Variants in FSTL4 observed in about 807,000 individuals in gnomAD.
FSTL4 encodes the protein follistatin-related protein 4.
Under a neutral mutation model 78.2 loss-of-function variants are expected in FSTL4, and 28 were observed. The ratio of observed to expected loss-of-function variants is 0.36; its 90% confidence interval spans 0.27 to 0.49. The LOEUF (loss-of-function observed/expected upper bound fraction) is 0.49, where lower values mean the gene tolerates loss of function less well. FSTL4 is among the 20% of genes least tolerant of loss of function. The pLI, the probability that FSTL4 is intolerant of heterozygous loss-of-function variation, is 0.98. For synonymous variants in FSTL4, 422 were observed against 440.5 expected (o/e 0.96, Z 0.53); for missense variants, 922 against 1,084.9 (o/e 0.85, Z 2.11).
intron 3 of FSTL4, among the ~76,000 whole-genome samples, chr5:133,504,700 C>A (rs536679949): frequency 2.0e-5 from 3 of 152,312 alleles, no homozygotes; most frequent in African/African-American, 4.8e-5. Flanking sequence ...TCGTCTTCCT[C>A]CCACTCCTAT....
At chr5:133,567,017 A>G (rs1245656550) in intron 3 of FSTL4, among the ~76,000 whole-genome samples, 169 bp downstream of exon 3, 2 of 152,228 alleles carry the variant, frequency 1.3e-5, no homozygotes, top group African/African-American at 4.8e-5. Flanking sequence ...CCTGGCCTTC[A>G]GTCCATGCAG....
intron 4 of FSTL4, among the ~76,000 whole-genome samples, chr5:133,353,148 C>A (rs1396336133): frequency 2.0e-5 from 3 of 152,160 alleles, no homozygotes; most frequent in African/African-American, 7.2e-5. Flanking sequence ...ATTTAGCTCT[C>A]TTTTACACAC....
the FSTL4 span, among the ~76,000 whole-genome samples, chr5:133,759,535 C>G: frequency 1.3e-5 from 2 of 152,184 alleles, no homozygotes; most frequent in East Asian, 3.8e-4. Flanking sequence ...ACAGAGAAAA[C>G]TTGTTAATGG....
chr5:133,360,353 G>C (rs1315454604), intron 4 of FSTL4, among the ~76,000 whole-genome samples: 1 of 152,122 alleles, frequency 6.6e-6, no homozygotes, highest in Non-Finnish European at 1.5e-5. Context: ...ACATGAAAAT[G>C]TGTTCTGGTC....
intron 13 of FSTL4, 28 bp downstream of exon 13, chr5:133,217,201 T>G (rs1750937108): frequency 6.3e-7 from 1 of 1,589,520 alleles, no homozygotes; most frequent in Non-Finnish European, 8.6e-7. Context: ...GAATTTGAAG[T>G]TTTCCTCACT....
chr5:133,744,971 T>C, the FSTL4 span, among the ~76,000 whole-genome samples: 9,545 of 152,056 alleles, frequency 0.063, 438 homozygotes, highest in East Asian at 0.19. Flanking sequence ...AGGCTGGGAG[T>C]TGGAGGCAAG....
At chr5:133,308,932 G>C (rs1368863377) in intron 6 of FSTL4, among the ~76,000 whole-genome samples, 1 of 152,120 alleles carries the variant, frequency 6.6e-6, no homozygotes, top group Non-Finnish European at 1.5e-5. Flanking sequence ...CAACACATTC[G>C]TGGGCTTTGA....
At chr5:133,472,783 C>T (rs31347) in intron 3 of FSTL4, among the ~76,000 whole-genome samples, 19,830 of 152,292 alleles carry the variant, frequency 0.13, 2,257 homozygotes, top group African/African-American at 0.31. Context: ...ATGGCAAGGA[C>T]ATCTTGGTCA....
At chr5:133,496,250 T>C (rs1290772042) in intron 3 of FSTL4, among the ~76,000 whole-genome samples, 1 of 152,204 alleles carries the variant, frequency 6.6e-6, no homozygotes, top group Non-Finnish European at 1.5e-5. Context: ...TCTGTAGGTA[T>C]GGAAACAGTC....
chr5:133,294,913 C>T (rs1256513432), intron 6 of FSTL4, among the ~76,000 whole-genome samples: 4 of 152,170 alleles, frequency 2.6e-5, no homozygotes, highest in Admixed American at 1.3e-4. Context: ...CCTCTCTTGA[C>T]AACCCTCCAG....
chr5:133,682,858 T>C, the FSTL4 span, among the ~76,000 whole-genome samples: 1 of 152,200 alleles, frequency 6.6e-6, no homozygotes, highest in Non-Finnish European at 1.5e-5. Context: ...GAGGCCTGTG[T>C]TGGGGCAGTG....
At chr5:133,411,269 G>T (rs1160882806) in intron 3 of FSTL4, among the ~76,000 whole-genome samples, 1 of 152,192 alleles carries the variant, frequency 6.6e-6, no homozygotes, top group Non-Finnish European at 1.5e-5. Context: ...CTACTGCAGA[G>T]GAGGAGTGAC....
chr5:133,463,135 C>A (rs893489628), intron 3 of FSTL4, among the ~76,000 whole-genome samples: 9 of 152,228 alleles, frequency 5.9e-5, no homozygotes, highest in Middle Eastern at 3.2e-3. Flanking sequence ...TCCTTAGTGA[C>A]TGTGTGTCAG....
intron 3 of FSTL4, among the ~76,000 whole-genome samples, chr5:133,488,539 C>T (rs1273374670): frequency 6.6e-6 from 1 of 152,204 alleles, no homozygotes; most frequent in Non-Finnish European, 1.5e-5. Flanking sequence ...CAGGCGTGAG[C>T]CACTGCACCC....
rs138463129 is a variant in FSTL4, at chr5:133,315,623, G to A, written c.603+836C>T. 3.3e-5 allele frequency among the ~76,000 whole-genome samples: 5 copies of A among 152,202 alleles called. No individual in the cohort carries two copies. The East Asian group carries it at 5.8e-4, about 18-fold the overall frequency. On this transcript the variant is annotated intron_variant, in intron 5 of 15. Transcript: ENST00000265342. ...GGTCACAAGAAAAAGGCTGCCCACC[G>A]CCCCCCACCACCCAACTCAGGGAGG...
At chr5:133,627,403 T>C in the FSTL4 span, among the ~76,000 whole-genome samples, 1 of 152,118 alleles carries the variant, frequency 6.6e-6, no homozygotes, top group East Asian at 1.9e-4. Context: ...CTCATGAGAC[T>C]TACTCATACC....
chr5:133,684,905 CT>C, the FSTL4 span, among the ~76,000 whole-genome samples: 2 of 152,200 alleles, frequency 1.3e-5, no homozygotes, highest in Non-Finnish European at 2.9e-5. Context: ...CATCCTGCTT[CT>C]TTCCAAAGAG....
chr5:133,197,803 T>C lies in FSTL4; in HGVS notation c.*1292A>G, dbSNP rs1750188105. 6.6e-6 allele frequency: 1 copy of C among 152,234 alleles called. No individual in the cohort carries two copies. Among genetic ancestry groups the C allele is most frequent in the South Asian group, 2.1e-4 (1 of 4,834 alleles). 9.4% of individuals were successfully genotyped at this position (152,234 alleles called of 1,614,324 possible). On this transcript the variant is annotated 3_prime_UTR_variant, in exon 16 of 16. Transcript: ENST00000265342. Reference sequence around the variant, plus strand: ...GAGCCTGTTTTTGCTGAGTCTCTGATCTAGGCGGTCTCCAGAGGGCTATGT... The same window carrying C: ...GAGCCTGTTTTTGCTGAGTCTCTGACCTAGGCGGTCTCCAGAGGGCTATGT...
chr5:133,593,254 A>G (rs1345562406), intron 2 of FSTL4, among the ~76,000 whole-genome samples: 1 of 151,950 alleles, frequency 6.6e-6, no homozygotes, highest in Non-Finnish European at 1.5e-5. Context: ...ACTAATAATG[A>G]GCACCCACAT....
Sources: gnomAD v4.1 joint callset for allele counts (sites outside exome capture counted in the v4.1 genomes callset) on GRCh38, gnomAD v4.1.1 for gene constraint, MANE v1.5 for transcripts, NCBI Gene and HGNC (gene_info 2026-07-23, HGNC 2026-07-21) for gene names.